The following IL1RAPL2 variants were observed in gnomAD, a reference collection of about 807,000 sequenced individuals.
IL1RAPL2 encodes X-linked interleukin-1 receptor accessory protein-like 2.
In IL1RAPL2, 3 loss-of-function variants were observed where a neutral mutation model predicts 44.1. The observed-to-expected ratio is 0.07, with a 90% CI of 0.03 to 0.18. The LOEUF is 0.18. Among genes scored for constraint, IL1RAPL2 ranks in the 10% least tolerant of loss-of-function variants. The probability of loss-of-function intolerance (pLI) is 1.00; values close to 1 mark genes in which losing one functional copy is unlikely to be tolerated. For missense variants in IL1RAPL2, 391 were observed against 496.4 expected (o/e 0.79, Z 2.02); for synonymous variants, 181 against 178.8 (o/e 1.01, Z -0.10).
At chrX:104,899,889 C>G (rs1427803774) in intron 2 of IL1RAPL2, among the ~76,000 whole-genome samples, 10 of 111,971 alleles carry the variant, frequency 8.9e-5, no homozygotes, top group Non-Finnish European at 1.5e-4. Context: ...TTTGCTAGAC[C>G]ATTATGTTGG....
At chrX:104,582,840 C>CTTTG in intron 1 of IL1RAPL2, among the ~76,000 whole-genome samples, 1 of 72,185 alleles carries the variant, frequency 1.4e-5, no homozygotes, top group East Asian at 4.2e-4. Context: ...TTCTTTCTTT[C>CTTTG]TTTCTTTCTT....
intron 2 of IL1RAPL2, among the ~76,000 whole-genome samples, chrX:104,817,797 T>C (rs1395220919): frequency 1.8e-5 from 2 of 111,642 alleles, no homozygotes; most frequent in African/African-American, 3.3e-5. Context: ...TGACATTTAA[T>C]TGATGTTTAA....
intron 2 of IL1RAPL2, among the ~76,000 whole-genome samples, chrX:104,848,437 AT>A (rs1922124223): frequency 1.0e-5 from 1 of 96,142 alleles, no homozygotes; most frequent in Non-Finnish European, 2.0e-5. Flanking sequence ...ATATATATAT[AT>A]ATATATATAT....
chrX:105,170,094 A>T (rs1385917599), intron 2 of IL1RAPL2, among the ~76,000 whole-genome samples: 1 of 111,303 alleles, frequency 9.0e-6, no homozygotes, highest in Non-Finnish European at 1.9e-5. Context: ...ACTTGTTATA[A>T]AAAGCTTCCA....
chrX:105,028,289 C>G (rs2031412300), intron 2 of IL1RAPL2, among the ~76,000 whole-genome samples: 1 of 110,200 alleles, frequency 9.1e-6, no homozygotes, highest in Non-Finnish European at 1.9e-5. Flanking sequence ...TGACTATAGT[C>G]AATAATAACT....
chrX:104,930,469 G>A (rs1027755472), intron 2 of IL1RAPL2, among the ~76,000 whole-genome samples: 3 of 111,401 alleles, frequency 2.7e-5, no homozygotes, highest in East Asian at 2.8e-4. Flanking sequence ...TATGTGATAG[G>A]CACTGTGTCA....
intron 5 of IL1RAPL2, among the ~76,000 whole-genome samples, chrX:105,477,534 C>T (rs2036205708): frequency 8.9e-6 from 1 of 111,912 alleles, no homozygotes; most frequent in Non-Finnish European, 1.9e-5. Context: ...TTTCTGCATT[C>T]ATTCTGTGTT....
chrX:105,447,108 A>ATATAT (rs2035963967), intron 5 of IL1RAPL2, among the ~76,000 whole-genome samples: 316 of 20,566 alleles, frequency 0.015, 17 homozygotes, highest in African/African-American at 0.036. Context: ...TATATATATA[A>ATATAT]AAATATATAT....
chrX:105,180,230 G>A (rs2033516596), intron 2 of IL1RAPL2, among the ~76,000 whole-genome samples: 1 of 110,591 alleles, frequency 9.0e-6, no homozygotes, highest in Admixed American at 9.6e-5. Context: ...CCAGCTACTT[G>A]GGAGGCTGAG....
At chrX:105,177,636 G>A (rs1003102383) in intron 2 of IL1RAPL2, among the ~76,000 whole-genome samples, 1 of 110,590 alleles carries the variant, frequency 9.0e-6, no homozygotes, top group Admixed American at 9.7e-5. Flanking sequence ...TCTCTGAATG[G>A]CCCTAGAATG....
chrX:105,040,059 G>T (rs144873936), intron 2 of IL1RAPL2, among the ~76,000 whole-genome samples: 7,345 of 110,331 alleles, frequency 0.067, 684 homozygotes, highest in African/African-American at 0.23. Flanking sequence ...TGTCCCATCA[G>T]TACCTAATTT....
At chrX:105,585,573 T>A (rs1197882903) in intron 6 of IL1RAPL2, among the ~76,000 whole-genome samples, 2 of 110,995 alleles carry the variant, frequency 1.8e-5, no homozygotes, top group East Asian at 5.7e-4. Context: ...TGTCCATGTG[T>A]TCTCATTGTT....
intron 5 of IL1RAPL2, among the ~76,000 whole-genome samples, chrX:105,376,590 T>C (rs2035389145): frequency 8.9e-6 from 1 of 111,824 alleles, no homozygotes; most frequent in Non-Finnish European, 1.9e-5. Context: ...GACTCTTTTT[T>C]TATTTTTCAG....
chrX:105,234,806 TA>T (rs368688495), intron 4 of IL1RAPL2, among the ~76,000 whole-genome samples: 2,409 of 65,784 alleles, frequency 0.037, 78 homozygotes, highest in African/African-American at 0.24. Flanking sequence ...AGACTCCATC[TA>T]AAAAAAAAAA....
chrX:104,799,923 G>A (rs1015663453), intron 2 of IL1RAPL2, among the ~76,000 whole-genome samples: 3 of 111,375 alleles, frequency 2.7e-5, no homozygotes, highest in Non-Finnish European at 5.6e-5. Context: ...TTATCCAAGT[G>A]ATTTTTTAAG....
At chrX:104,880,843 C>G (rs188120601) in intron 2 of IL1RAPL2, among the ~76,000 whole-genome samples, 1 of 111,735 alleles carries the variant, frequency 8.9e-6, no homozygotes, top group Non-Finnish European at 1.9e-5. Flanking sequence ...ATAAGCAATC[C>G]TTCAACACGC....
At chrX:105,455,414 G>A (rs989555677) in intron 5 of IL1RAPL2, among the ~76,000 whole-genome samples, 1 of 111,833 alleles carries the variant, frequency 8.9e-6, no homozygotes, top group African/African-American at 3.2e-5. Context: ...GTCTAAGATG[G>A]TATTGCCTAG....
intron 3 of IL1RAPL2, among the ~76,000 whole-genome samples, chrX:105,211,020 C>T (rs2033804107): frequency 9.0e-6 from 1 of 110,650 alleles, no homozygotes; most frequent in African/African-American, 3.3e-5. Flanking sequence ...CTCCTATCCT[C>T]CCCCACCTCA....
At chrX:105,445,218 C>A (rs1332791936) in intron 5 of IL1RAPL2, among the ~76,000 whole-genome samples, 1 of 111,743 alleles carries the variant, frequency 8.9e-6, no homozygotes, top group Admixed American at 9.5e-5. Flanking sequence ...ATTTGAATTT[C>A]TGCAGTATCA....
Sources: allele counts gnomAD v4.1 joint callset (sites outside exome capture counted in the v4.1 genomes callset), GRCh38; gene constraint gnomAD v4.1.1; transcripts MANE v1.5; gene names NCBI Gene and HGNC (gene_info 2026-07-23, HGNC 2026-07-21).